Variants in RNF157 observed in about 807,000 individuals in gnomAD.
RNF157 encodes the protein E3 ubiquitin ligase RNF157.
In RNF157, 55 loss-of-function variants were observed where a neutral mutation model predicts 88.3. That is an observed-to-expected ratio of 0.62 (90% CI 0.50 to 0.78). The LOEUF is 0.78. Among genes scored for constraint, RNF157 ranks in the 30% least tolerant of loss-of-function variants. RNF157 has a pLI of 0.00. For synonymous variants in RNF157, 334 were observed against 341.2 expected, an observed-to-expected ratio of 0.98 and a Z score of 0.23; for missense variants, 788 against 860.8, an observed-to-expected ratio of 0.92 and a Z score of 1.06.
intron 1 of RNF157, among the ~76,000 whole-genome samples, chr17:76,219,564 T>C (rs572010566): frequency 1.1e-3 from 168 of 152,230 alleles, no homozygotes; most frequent in Non-Finnish European, 2.1e-3. Flanking sequence ...AGACAGAAGG[T>C]AGATTTCTTT....
chr17:76,232,926 A>ATT (rs34189763), intron 1 of RNF157, among the ~76,000 whole-genome samples: 4,259 of 147,620 alleles, frequency 0.029, 97 homozygotes, highest in Non-Finnish European at 0.042. Context: ...AATCTCGCAT[A>ATT]TTTTTTTTTT....
intron 2 of RNF157, among the ~76,000 whole-genome samples, chr17:76,206,178 CT>C (rs1482023446): frequency 6.6e-6 from 1 of 152,026 alleles, no homozygotes; most frequent in African/African-American, 2.4e-5. Flanking sequence ...CTGCAGTGAG[CT>C]GTAGTTGTGC....
At chr17:76,186,415 G>A (rs1414298839) in intron 2 of RNF157, among the ~76,000 whole-genome samples, 1 of 152,048 alleles carries the variant, frequency 6.6e-6, no homozygotes, top group Non-Finnish European at 1.5e-5. Context: ...GCTGAGGCAG[G>A]AGAAACACTT....
intron 3 of RNF157, among the ~76,000 whole-genome samples, chr17:76,173,152 GGC>G (rs1443115558): frequency 2.0e-5 from 3 of 151,852 alleles, no homozygotes; most frequent in Non-Finnish European, 4.4e-5. Flanking sequence ...CGGACGTGGT[GGC>G]GGGCGCCTGT....
intron 13 of RNF157, among the ~76,000 whole-genome samples, chr17:76,158,113 G>GC (rs1378846393): frequency 6.6e-6 from 1 of 151,794 alleles, no homozygotes; most frequent in Non-Finnish European, 1.5e-5. Context: ...TGTCTTTTGT[G>GC]CCCCCCACCC....
intron 2 of RNF157, among the ~76,000 whole-genome samples, chr17:76,191,562 C>T (rs920375974): frequency 7.0e-6 from 1 of 143,094 alleles, no homozygotes; most frequent in Non-Finnish European, 1.5e-5. Context: ...GATCACGCCA[C>T]TGCACTCCAG....
chr17:76,221,545 A>T (rs527872792), intron 1 of RNF157, among the ~76,000 whole-genome samples: 1 of 152,328 alleles, frequency 6.6e-6, no homozygotes, highest in South Asian at 2.1e-4. Flanking sequence ...CAAAGTACAG[A>T]CTTTATTTTA....
intron 2 of RNF157, among the ~76,000 whole-genome samples, chr17:76,184,169 C>A (rs1050864609): frequency 8.5e-5 from 12 of 141,826 alleles, no homozygotes; most frequent in Non-Finnish European, 1.8e-4. Flanking sequence ...CCAGCCTGGG[C>A]GACAGAGCAA....
At chr17:76,225,877 G>A (rs1598443708) in intron 1 of RNF157, 8 of 1,613,424 alleles carry the variant, frequency 5.0e-6, no homozygotes, top group Non-Finnish European at 6.8e-6. Flanking sequence ...CCAGCTCTTT[G>A]CACTCGCCAG....
Position 76,156,244 on chromosome 17 carries a change from C to T in RNF157, c.1491G>A (p.Gly497=). The T allele has an allele frequency of 6.2e-7, 1 of 1,614,096 alleles. No homozygotes were observed. Among genetic ancestry groups the T allele is most frequent in the Non-Finnish European group, 8.5e-7 (1 of 1,179,986 alleles). ...AGGAAATAGTGGATGACAGAGGCGT[C>T]CCTGTGCAAGACGACTGGTCAATAG... ...SGAIDQSSCT[G]TPLSSTISSP... is the part of the protein sequence containing the mutation. Residue 497 remains glycine (G), a synonymous_variant, in exon 14 of 19, where the codon GGG becomes GGA. Coordinates refer to ENST00000269391, the MANE Select transcript of RNF157 (RefSeq NM_052916.3).
intron 2 of RNF157, among the ~76,000 whole-genome samples, chr17:76,175,509 A>C (rs997687205): frequency 2.0e-5 from 3 of 152,208 alleles, no homozygotes; most frequent in Non-Finnish European, 2.9e-5. Context: ...ATTCTAGTTC[A>C]GATCCCATCT....
chr17:76,160,276 C>CT lies in RNF157; in HGVS notation c.1066-704dup, dbSNP rs796280646. Among the ~76,000 whole-genome samples the CT allele has an allele frequency of 6.6e-6, 1 of 151,926 alleles. No individual in the cohort carries two copies. Among genetic ancestry groups the CT allele is most frequent in the Non-Finnish European group, 1.5e-5 (1 of 67,976 alleles). On this transcript the variant is annotated intron_variant, in intron 11 of 18. Transcript: ENST00000269391. This position sits in a 1 kb window ranked among gnomAD's most constrained non-coding sequence, Gnocchi z 4.3. Reference sequence around the variant, plus strand: ...AGTTTTGATGAACATCCTTGAATGCCTTTTTTTCAAATTATGTTCTTGTTA... The same window carrying CT: ...AGTTTTGATGAACATCCTTGAATGCCTTTTTTTTCAAATTATGTTCTTGTTA...
At chr17:76,182,811 A>ATATATATCC (rs1400667945) in intron 2 of RNF157, among the ~76,000 whole-genome samples, 7 of 132,790 alleles carry the variant, frequency 5.3e-5, no homozygotes, top group Non-Finnish European at 9.3e-5. Context: ...TATGAGAGAG[A>ATATATATCC]TATATATCCT....
At chr17:76,183,707 T>TA in intron 2 of RNF157, among the ~76,000 whole-genome samples, 1 of 152,256 alleles carries the variant, frequency 6.6e-6, no homozygotes, top group Non-Finnish European at 1.5e-5. Flanking sequence ...GCTGGGATTC[T>TA]ACTGTAAGGA....
intron 1 of RNF157, among the ~76,000 whole-genome samples, chr17:76,214,338 T>C (rs1003195756): frequency 6.6e-6 from 1 of 152,136 alleles, no homozygotes. Context: ...GTGTTGTGAG[T>C]GTATAGGAGA....
chr17:76,225,041 G>A (rs1265295030), intron 1 of RNF157, among the ~76,000 whole-genome samples: 6 of 152,002 alleles, frequency 3.9e-5, no homozygotes, highest in Admixed American at 2.6e-4. Context: ...GTATGGTGGC[G>A]GGCATCTGTA....
At chr17:76,163,631 A>G (rs1455189873) in intron 8 of RNF157, 6 of 152,232 alleles carry the variant, frequency 3.9e-5, no homozygotes, top group Admixed American at 3.9e-4. Flanking sequence ...TTTCTTAGCC[A>G]TCCCTTCCCC....
intron 1 of RNF157, chr17:76,225,891 G>A (rs2070074411): frequency 1.2e-6 from 2 of 1,613,550 alleles, no homozygotes; most frequent in African/African-American, 1.3e-5. Flanking sequence ...TCGCCAGTGA[G>A]AGCCTCCTGC....
chr17:76,226,385 A>G (rs1166207954), intron 1 of RNF157: 143 of 1,591,688 alleles, frequency 9.0e-5, no homozygotes, highest in Non-Finnish European at 1.2e-4. Context: ...GAGATGGCCA[A>G]TTGGGTTCAC....
Sources: allele counts gnomAD v4.1 joint callset (sites outside exome capture counted in the v4.1 genomes callset), GRCh38; gene constraint gnomAD v4.1.1; non-coding constraint Gnocchi (gnomAD v3.1); transcripts MANE v1.5; gene names NCBI Gene and HGNC (gene_info 2026-07-23, HGNC 2026-07-21).